INSRR: variants seen among roughly 807,000 people sequenced by gnomAD.
The protein encoded by INSRR is insulin receptor-related protein.
A neutral mutation model predicts 130.0 loss-of-function variants in INSRR; 114 were observed. The observed-to-expected ratio is 0.88, with a 90% CI of 0.75 to 1.02. The LOEUF is 1.02. INSRR is among the 50% of genes least tolerant of loss of function. INSRR has a pLI of 0.00. For synonymous variants in INSRR, 674 were observed against 705.2 expected (o/e 0.96, Z 0.70); for missense variants, 1,657 against 1,735.2 (o/e 0.95, Z 0.80).
In INSRR at chr1:156,844,628, A is replaced by G. The variant is rs766331625; in HGVS notation, c.2575-4T>C. 15 of 1,614,026 alleles carry G rather than the reference A, an allele frequency of 9.3e-6. No homozygotes were observed. In the East Asian group the frequency reaches 3.3e-4, roughly 36 times the overall value. ...ACACACACAGCACTGTGGCCTCCTG[A>G]GAGTAACGCAGAACAGCTGGCTGGG... On this transcript the variant is annotated splice_polypyrimidine_tract_variant and splice_region_variant and intron_variant, in intron 13 of 21. Coordinates refer to ENST00000368195, the MANE Select transcript of INSRR (RefSeq NM_014215.3).
intron 16 of INSRR, 51 bp from the exon 17 acceptor site, chr1:156,843,284 C>T (rs758866337): frequency 1.3e-6 from 2 of 1,583,560 alleles, no homozygotes; most frequent in South Asian, 1.1e-5. Flanking sequence ...TCTGCCACAC[C>T]TCACCCCCCA....
At chr1:156,844,320 T>C in intron 14 of INSRR, 40 bp from the exon 15 acceptor site, 4 of 1,580,842 alleles carry the variant, frequency 2.5e-6, no homozygotes, top group Non-Finnish European at 3.5e-6. Flanking sequence ...GTCAAAGATG[T>C]AGAAGTCAGA....
chr1:156,858,866 G>A lies in INSRR; in HGVS notation c.-245C>T, dbSNP rs1050947316. ...GAGACTCAGCATGAGATTGAGAGAT[G>A]GGGACAGAGATGCAGACAGTGACAG... On this transcript the variant is annotated 5_prime_UTR_variant, in exon 1 of 22. Transcript: ENST00000368195. The A allele has an allele frequency of 7.2e-6, 4 of 555,532 alleles. No individual in the cohort carries two copies. Among genetic ancestry groups the A allele is most frequent in the African/African-American group, 5.6e-5 (3 of 53,098 alleles). The allele number at this position is 555,532 out of a possible 1,614,324, so 34.4% of individuals were successfully genotyped here.
At chr1:156,850,530 C>CTTTT (rs1558089282) in intron 5 of INSRR, among the ~76,000 whole-genome samples, 2 of 107,194 alleles carry the variant, frequency 1.9e-5, no homozygotes, top group African/African-American at 7.7e-5. Flanking sequence ...TAATTTAAAA[C>CTTTT]ATTCTTTTTT....
chr1:156,857,977 T>G (rs961258068), intron 1 of INSRR, among the ~76,000 whole-genome samples: 2 of 152,046 alleles, frequency 1.3e-5, no homozygotes, highest in African/African-American at 4.8e-5. Context: ...GGACAGGCCC[T>G]GGGGTGTTGA....
chr1:156,852,333 G>A (rs751182045), intron 2 of INSRR, 142 bp from the exon 3 acceptor site: 104 of 814,958 alleles, frequency 1.3e-4, no homozygotes, highest in Middle Eastern at 3.8e-4. Flanking sequence ...ACTGGTTGCC[G>A]ACTCTGTTCC....
chr1:156,853,442 C>T (rs1047609474), intron 2 of INSRR, among the ~76,000 whole-genome samples: 1 of 152,172 alleles, frequency 6.6e-6, no homozygotes, highest in African/African-American at 2.4e-5. Flanking sequence ...TTGGACTTAG[C>T]CACTGCCCCA....
rs1280819403 is a variant in INSRR, at chr1:156,852,190, C to T, written c.639G>A (p.Val213=). The change falls in exon 3 of 22, where the codon GTG becomes GTA. Residue 213 remains valine, a splice_region_variant and synonymous_variant. Transcript: ENST00000368195. ...RCWTSSHCQR[V]CPCPHGMACT... is the part of the protein sequence containing the mutation. Reference sequence around the variant, plus strand: ...AAGCCATCCCATGGGGGCAGGGGCACACTGTGGGGAGAGTGGTGTGTTAGA... The same window carrying T: ...AAGCCATCCCATGGGGGCAGGGGCATACTGTGGGGAGAGTGGTGTGTTAGA... The T allele has an allele frequency of 3.1e-6, 5 of 1,589,702 alleles. No homozygotes were observed. The highest frequency in any genetic ancestry group is 4.3e-6 in the Non-Finnish European group (5 of 1,165,746).
chr1:156,845,450 G>C, intron 10 of INSRR, 37 bp from the exon 11 acceptor site: 1 of 1,527,312 alleles, frequency 6.5e-7, no homozygotes, highest in Non-Finnish European at 8.8e-7. Flanking sequence ...AGGCCTGTCC[G>C]GATGCACCCC....
Position 156,854,470 on chromosome 1 carries a change from C to T in INSRR, c.86-167G>A, listed in dbSNP as rs1363155786. On this transcript the variant is annotated intron_variant, in intron 1 of 21. Transcript: ENST00000368195. The surrounding 1 kb of genome is among the most constrained non-coding windows in gnomAD (Gnocchi z 4.2). ...CCTTCCTGGGCCCCGGAGGGCTCACCTGCAGCCTGCAGGGTCTCTACCAGA... is the reference window on the plus strand; with the variant it reads ...CCTTCCTGGGCCCCGGAGGGCTCACTTGCAGCCTGCAGGGTCTCTACCAGA... Among the ~76,000 whole-genome samples, 1 of 152,172 alleles carries T rather than the reference C, an allele frequency of 6.6e-6. No individual in the cohort carries two copies. Among genetic ancestry groups the T allele is most frequent in the Non-Finnish European group, 1.5e-5 (1 of 68,032 alleles).
At chr1:156,857,204 T>C (rs889352790) in intron 1 of INSRR, among the ~76,000 whole-genome samples, 2 of 141,340 alleles carry the variant, frequency 1.4e-5, no homozygotes, top group Non-Finnish European at 3.1e-5. Context: ...TGTGTGTGTG[T>C]GTGTGTGTGT....
rs1174347775 is a variant in INSRR, at chr1:156,854,962, C to G, written c.86-659G>C. The stretch of plus-strand genomic sequence containing the variant: ...CCCTTGTAGCCTCTCTGATTTCATC[C>G]TTTTTATCATCTTCAGCCACATTGA... On this transcript the variant is annotated intron_variant, in intron 1 of 21. Transcript: ENST00000368195. The surrounding 1 kb of genome is among the most constrained non-coding windows in gnomAD (Gnocchi z 4.2). Among the ~76,000 whole-genome samples, 1 of 152,128 alleles carries G rather than the reference C, an allele frequency of 6.6e-6. No homozygotes were observed. The highest frequency in any genetic ancestry group is 1.5e-5 in the Non-Finnish European group (1 of 68,028).
chr1:156,845,855 T>C (rs1329397342), intron 9 of INSRR, 41 bp from the exon 10 acceptor site: 3 of 1,579,090 alleles, frequency 1.9e-6, no homozygotes, highest in Non-Finnish European at 2.6e-6. Flanking sequence ...ACAGGCGGTC[T>C]ACCCGCCTCT....
In INSRR at chr1:156,854,377, AG is replaced by A; in HGVS notation, c.86-75del. The A allele has an allele frequency of 7.1e-7, 1 of 1,416,500 alleles. No homozygotes were observed. 87.7% of individuals were successfully genotyped at this position (1,416,500 alleles called of 1,614,324 possible). On this transcript the variant is annotated intron_variant, in intron 1 of 21. Coordinates refer to ENST00000368195, the MANE Select transcript of INSRR (RefSeq NM_014215.3). This position sits in a 1 kb window ranked among gnomAD's most constrained non-coding sequence, Gnocchi z 4.2. ...CCCCATCCAGCCCTGGCAGCTTTGG[AG>A]GGGAGCCACACTGGCAGTAGGACAA...
At chr1:156,847,193 G>A (rs535804678) in intron 7 of INSRR, among the ~76,000 whole-genome samples, 18 of 152,320 alleles carry the variant, frequency 1.2e-4, no homozygotes, top group African/African-American at 4.3e-4. Flanking sequence ...TGACTTTGGA[G>A]GTTTATGAGC....
rs1308312523 is a variant in INSRR, at chr1:156,851,677, C to T, written c.1053G>A (p.Glu351=). The stretch of plus-strand genomic sequence containing the variant: ...GGCGAAGGTTGAGGATGAGGCTTCC[C>T]TCCACATGCGTGCAGCCCACAAGAT... The part of the protein sequence containing the change: ...AQDLVGCTHV[E]GSLILNLRQG... The change falls in exon 4 of 22, where the codon GAG becomes GAA. Residue 351 remains glutamate (E), a synonymous_variant. Transcript: ENST00000368195. 6.2e-7 allele frequency: 1 copy of T among 1,614,202 alleles called. No individual in the cohort carries two copies. The highest frequency in any genetic ancestry group is 1.3e-5 in the African/African-American group (1 of 75,056).
chr1:156,859,044 GGA>G lies in INSRR; in HGVS notation c.-425_-424del, dbSNP rs1655513092. The G allele has an allele frequency of 5.5e-6, 1 of 181,576 alleles. No individual in the cohort carries two copies. Among genetic ancestry groups the G allele is most frequent in the African/African-American group, 2.3e-5 (1 of 42,658 alleles). 11.2% of individuals were successfully genotyped at this position (181,576 alleles called of 1,614,324 possible). On this transcript the variant is annotated 5_prime_UTR_variant, in exon 1 of 22. Coordinates refer to ENST00000368195, the MANE Select transcript of INSRR (RefSeq NM_014215.3). The surrounding 1 kb of genome is among the most constrained non-coding windows in gnomAD (Gnocchi z 6.2). ...TCCCGGGGCGCGTGGGACTCCGCAG[GGA>G]GAGTCTCCCTGGATCCCTCCGGGCG...
Position 156,840,757 on chromosome 1 carries a change from CT to C in INSRR, c.*115del. 1.3e-6 allele frequency: 1 copy of C among 797,714 alleles called. No individual in the cohort carries two copies. 49.4% of individuals were successfully genotyped at this position (797,714 alleles called of 1,614,324 possible). On this transcript the variant is annotated 3_prime_UTR_variant, in exon 22 of 22. Coordinates refer to ENST00000368195, the MANE Select transcript of INSRR (RefSeq NM_014215.3). Reference sequence around the variant, plus strand: ...CCCTGCTCCTGTTCTCTGCCCCACCCTCGGCCATCCCTTGCCCTGAGTTGGG... The same window carrying C: ...CCCTGCTCCTGTTCTCTGCCCCACCCCGGCCATCCCTTGCCCTGAGTTGGG...
Position 156,842,197 on chromosome 1 carries a change from G to A in INSRR, c.3312C>T (p.Ala1104=), listed in dbSNP as rs1164232937. Reference sequence around the variant, plus strand: ...GCACAAACTTGTTGGCAGCAAGGTAGGCCATGCCGTCTGCAATCTCACCAG... The same window carrying A: ...GCACAAACTTGTTGGCAGCAAGGTAAGCCATGCCGTCTGCAATCTCACCAG... ...QMAGEIADGM[A]YLAANKFVHR... The change falls in exon 19 of 22, where the codon GCC becomes GCT. Residue 1104 remains alanine, a synonymous_variant. Transcript: ENST00000368195. 1.9e-6 allele frequency: 3 copies of A among 1,613,966 alleles called. No individual in the cohort carries two copies. The African/African-American group carries it at 4.0e-5, about 22-fold the overall frequency.
Sources: gnomAD v4.1 joint callset for allele counts (sites outside exome capture counted in the v4.1 genomes callset) on GRCh38, gnomAD v4.1.1 for gene constraint, Gnocchi (gnomAD v3.1) non-coding constraint, MANE v1.5 for transcripts, NCBI Gene and HGNC (gene_info 2026-07-23, HGNC 2026-07-21) for gene names.